The following STK3 variants were observed in gnomAD, a reference collection of about 807,000 sequenced individuals.
The protein encoded by STK3 is serine/threonine kinase 3.
Under a neutral mutation model 58.0 loss-of-function variants are expected in STK3, and 41 were observed. That is an observed-to-expected ratio of 0.71 (90% CI 0.55 to 0.92). STK3 has a LOEUF of 0.92. STK3 is among the 40% of genes least tolerant of loss of function. STK3 has a pLI of 0.00. For missense variants in STK3, 479 were observed against 602.7 expected (o/e 0.79, Z 2.15); for synonymous variants, 170 against 191.0 (o/e 0.89, Z 0.91).
At chr8:98,496,358 T>C (rs1469651007) in intron 10 of STK3, among the ~76,000 whole-genome samples, 2 of 152,188 alleles carry the variant, frequency 1.3e-5, no homozygotes, top group Non-Finnish European at 2.9e-5. Context: ...TGTATTTCTA[T>C]GCAGCAGCAA....
intron 6 of STK3, among the ~76,000 whole-genome samples, chr8:98,688,891 G>T (rs573977213): frequency 1.3e-5 from 2 of 151,776 alleles, no homozygotes; most frequent in East Asian, 3.9e-4. Context: ...GCTAGGAGAA[G>T]AAAATAAATA....
chr8:98,745,909 G>C (rs1445182021), intron 4 of STK3, among the ~76,000 whole-genome samples: 1 of 152,210 alleles, frequency 6.6e-6, no homozygotes, highest in Non-Finnish European at 1.5e-5. Context: ...AGATGGTATA[G>C]CCTATTGCTC....
At chr8:98,727,315 A>G (rs917313949) in intron 4 of STK3, among the ~76,000 whole-genome samples, 21 of 152,214 alleles carry the variant, frequency 1.4e-4, no homozygotes, top group African/African-American at 5.1e-4. Context: ...TAACTGAGGG[A>G]AGAGCTTGTG....
intron 6 of STK3, among the ~76,000 whole-genome samples, chr8:98,624,116 G>A: frequency 6.6e-6 from 1 of 152,202 alleles, no homozygotes; most frequent in Non-Finnish European, 1.5e-5. Context: ...AGACCCAGAA[G>A]AGAATGAGGT....
chr8:98,360,314 G>A, the STK3 span, among the ~76,000 whole-genome samples: 6 of 152,136 alleles, frequency 3.9e-5, no homozygotes, highest in Non-Finnish European at 7.3e-5. Context: ...TTTGCACACT[G>A]TGTGTAACTC....
chr8:98,661,984 T>A (rs1689822814), intron 6 of STK3, among the ~76,000 whole-genome samples: 1 of 152,168 alleles, frequency 6.6e-6, no homozygotes, highest in Non-Finnish European at 1.5e-5. Context: ...CTGCTTGCTA[T>A]GTATTTATCC....
At chr8:98,891,629 G>C (rs529121494) in intron 1 of STK3, among the ~76,000 whole-genome samples, 1 of 141,940 alleles carries the variant, frequency 7.0e-6, no homozygotes, top group Non-Finnish European at 1.6e-5. Context: ...GTGTGTGTGA[G>C]AGAGAGAGAG....
At chr8:98,893,468 AAGAAAGAAAGAAAGAAAG>A (rs1838300831) in intron 1 of STK3, among the ~76,000 whole-genome samples, 213 of 97,732 alleles carry the variant, frequency 2.2e-3, no homozygotes, top group African/African-American at 2.9e-3. Context: ...GAAAGAAAGA[AAGAAAGAAAGAAAGAAAG>A]AGAAAGAAAG....
At chr8:98,731,647 C>T (rs1056768967) in intron 4 of STK3, among the ~76,000 whole-genome samples, 5 of 150,868 alleles carry the variant, frequency 3.3e-5, no homozygotes, top group African/African-American at 9.8e-5. Context: ...GGTGTGAACC[C>T]GGGAGGCAGA....
intron 10 of STK3, among the ~76,000 whole-genome samples, chr8:98,506,888 C>T (rs1320773611): frequency 3.9e-5 from 6 of 152,090 alleles, no homozygotes; most frequent in Non-Finnish European, 7.4e-5. Flanking sequence ...AAGGTGTGGC[C>T]CTGCTACAAC....
chr8:98,942,605 T>A lies in STK3; in HGVS notation c.-306A>T, dbSNP rs188527749. ...CACATACTTAAGGGCGGGAAAGGTG[T>A]GAAGCCCGCTGCTGGGGAGTTGCCT... On this transcript the variant is annotated 5_prime_UTR_variant, in exon 1 of 2. Transcript: ENST00000519420. 1.7e-3 allele frequency: 266 copies of A among 152,328 alleles called. 2 individuals are homozygous for A. The highest frequency in any genetic ancestry group is 6.1e-3 in the African/African-American group (255 of 41,544). The allele number at this position is 152,328 out of a possible 1,614,324, so 9.4% of individuals were successfully genotyped here. A position where few individuals can be genotyped will look rare whatever the true frequency, so the allele number is the denominator to read the frequency against.
intron 1 of STK3, among the ~76,000 whole-genome samples, chr8:98,801,661 C>T (rs1351083269): frequency 5.3e-5 from 8 of 152,086 alleles, no homozygotes; most frequent in African/African-American, 1.4e-4. Context: ...CAAACGTGTC[C>T]GAACATCAGA....
chr8:98,537,855 C>T (rs555945749), intron 9 of STK3, among the ~76,000 whole-genome samples: 5 of 152,188 alleles, frequency 3.3e-5, no homozygotes, highest in African/African-American at 9.6e-5. Flanking sequence ...TTTTCATCTC[C>T]TTCATGCATC....
chr8:98,860,182 G>A (rs184396004), intron 3 of STK3, among the ~76,000 whole-genome samples: 18 of 152,302 alleles, frequency 1.2e-4, no homozygotes, highest in Non-Finnish European at 2.2e-4. Flanking sequence ...ATGAAGTTAA[G>A]ACAGATTATT....
chr8:98,449,706 T>C (rs1282226499), downstream of STK3, among the ~76,000 whole-genome samples: 4 of 152,168 alleles, frequency 2.6e-5, no homozygotes, highest in African/African-American at 4.8e-5. Context: ...AAAACTCATG[T>C]TGAAATTTAA....
In STK3 at chr8:98,748,759, T is replaced by C. The variant is rs536950049; in HGVS notation, c.351+517A>G. ...GCTTTTATTAAACAATACATTTCAC[T>C]AAGCTAAATTTATAGAAATATATAT... is the stretch of plus-strand genomic sequence containing the variant. On this transcript the variant is annotated intron_variant, in intron 4 of 10. Coordinates refer to ENST00000419617, the MANE Select transcript of STK3 (RefSeq NM_006281.4). 2.2e-4 allele frequency among the ~76,000 whole-genome samples: 33 copies of C among 152,086 alleles called. 1 individual carries two copies. Among genetic ancestry groups the C allele is most frequent in the African/African-American group, 7.9e-4 (33 of 41,554 alleles).
At chr8:98,818,919 C>T (rs1834719804) in intron 1 of STK3, among the ~76,000 whole-genome samples, 3 of 152,142 alleles carry the variant, frequency 2.0e-5, no homozygotes, top group African/African-American at 7.2e-5. Flanking sequence ...CTCCCAAGTT[C>T]ACACGATTCT....
chr8:98,893,421 GGAA>G (rs1838281614), intron 1 of STK3, among the ~76,000 whole-genome samples: 2 of 60,488 alleles, frequency 3.3e-5, no homozygotes, highest in Admixed American at 1.9e-4. Flanking sequence ...AAGGAAGGAA[GGAA>G]AGAAAGAAAG....
the STK3 span, among the ~76,000 whole-genome samples, chr8:98,351,370 G>A: frequency 2.6e-5 from 4 of 152,160 alleles, no homozygotes; most frequent in African/African-American, 4.8e-5. Flanking sequence ...TGGATCGAGA[G>A]ATCTTATGTA....
Sources: allele counts gnomAD v4.1 joint callset (sites outside exome capture counted in the v4.1 genomes callset), GRCh38; gene constraint gnomAD v4.1.1; transcripts MANE v1.5; gene names NCBI Gene and HGNC (gene_info 2026-07-23, HGNC 2026-07-21).